Variants in TTLL5 observed in about 807,000 individuals in gnomAD.
TTLL5 encodes the protein tubulin tyrosine ligase like 5, also known as tubulin polyglutamylase TTLL5.
Under a neutral mutation model 168.4 loss-of-function variants are expected in TTLL5, and 132 were observed. That is an observed-to-expected ratio of 0.78 (90% CI 0.68 to 0.91). The LOEUF (loss-of-function observed/expected upper bound fraction) is 0.91. Ranked by LOEUF, TTLL5 falls within the 40% of genes least tolerant of loss-of-function variation. TTLL5 has a pLI of 0.00. For missense variants in TTLL5, 1,545 were observed against 1,581.5 expected, an observed-to-expected ratio of 0.98 and a Z score of 0.39; for synonymous variants, 546 against 558.6, an observed-to-expected ratio of 0.98 and a Z score of 0.32.
At position 75,736,389 on chromosome 14, in the gene TTLL5, G is replaced by T. The variant is rs529570566; in HGVS notation, c.1281+1100G>T. On this transcript the variant is annotated intron_variant, in intron 15 of 31. Coordinates refer to ENST00000298832, the MANE Select transcript of TTLL5 (RefSeq NM_015072.5). ...AAATCCATATACTATTATTTATTCA[G>T]ATAATTTTTTATTAGAACAGGGTTT... Among the ~76,000 whole-genome samples, 3 of 147,710 alleles carry T rather than the reference G, an allele frequency of 2.0e-5. No homozygotes were observed. The East Asian group carries it at 5.8e-4, about 28-fold the overall frequency.
chr14:75,761,770 G>A (rs565737598), intron 18 of TTLL5, among the ~76,000 whole-genome samples: 8 of 152,276 alleles, frequency 5.3e-5, no homozygotes, highest in African/African-American at 1.9e-4. Flanking sequence ...ATAGCTCTAG[G>A]CATTTGTCAG....
At chr14:75,697,346 T>A (rs920810567) in intron 6 of TTLL5, among the ~76,000 whole-genome samples, 12 of 152,204 alleles carry the variant, frequency 7.9e-5, no homozygotes, top group Non-Finnish European at 1.5e-5. Flanking sequence ...TGCAATATTT[T>A]ACACATGTGT....
chr14:75,776,281 C>T lies in TTLL5; in HGVS notation c.2284-466C>T, dbSNP rs114262988. On this transcript the variant is annotated intron_variant, in intron 22 of 31. Coordinates refer to ENST00000298832, the MANE Select transcript of TTLL5 (RefSeq NM_015072.5). The stretch of plus-strand genomic sequence containing the variant: ...GCACCAAACTCATAGCCACAATTTA[C>T]TCCAGATCTGTTGAGAATTTTGTTA... Among the ~76,000 whole-genome samples, 1,267 of 152,240 alleles carry T rather than the reference C, an allele frequency of 8.3e-3. 16 individuals carry two copies. Among genetic ancestry groups the T allele is most frequent in the African/African-American group, 0.029 (1,192 of 41,548 alleles).
intron 27 of TTLL5, 105 bp downstream of exon 27, chr14:75,793,205 C>G (rs1210437728): frequency 6.0e-6 from 6 of 1,005,302 alleles, no homozygotes; most frequent in African/African-American, 1.6e-5. Flanking sequence ...ATACTGATGC[C>G]TCTTGAATGA....
chr14:75,863,543 A>G (rs1308054983), intron 28 of TTLL5, 124 bp from the exon 29 acceptor site: 8 of 911,314 alleles, frequency 8.8e-6, no homozygotes, highest in Non-Finnish European at 1.3e-5. Context: ...TCACACAAGT[A>G]GATTTGTAAT....
At chr14:75,761,300 A>T (rs933479100) in intron 18 of TTLL5, among the ~76,000 whole-genome samples, 1 of 152,164 alleles carries the variant, frequency 6.6e-6, no homozygotes, top group Non-Finnish European at 1.5e-5. Flanking sequence ...TGGTACAAGC[A>T]CTTTAGGAAG....
intron 28 of TTLL5, among the ~76,000 whole-genome samples, chr14:75,857,040 A>G (rs1442222669): frequency 6.6e-6 from 1 of 152,178 alleles, no homozygotes; most frequent in Non-Finnish European, 1.5e-5. Context: ...TTTATTTATT[A>G]GTTCTAGCAG....
intron 28 of TTLL5, among the ~76,000 whole-genome samples, chr14:75,851,137 C>T (rs1280675983): frequency 6.7e-6 from 1 of 148,800 alleles, no homozygotes; most frequent in African/African-American, 2.5e-5. Flanking sequence ...ATAAGAACTG[C>T]CAAAAGCACA....
chr14:75,734,083 A>G (rs370440993), intron 14 of TTLL5, 33 bp downstream of exon 14: 10 of 1,605,438 alleles, frequency 6.2e-6, no homozygotes, highest in East Asian at 2.2e-5. Context: ...CTGGACTCAC[A>G]TAAAAATTAA....
intron 2 of TTLL5, among the ~76,000 whole-genome samples, chr14:75,667,363 A>T (rs1566806910): frequency 1.3e-5 from 2 of 152,238 alleles, no homozygotes; most frequent in East Asian, 1.9e-4. Flanking sequence ...TTTGTAGTTT[A>T]GGCTGCCTGT....
intron 27 of TTLL5, among the ~76,000 whole-genome samples, chr14:75,818,993 C>G (rs1894673256): frequency 6.6e-6 from 1 of 152,078 alleles, no homozygotes; most frequent in Admixed American, 6.6e-5. Context: ...AATTCTTGTT[C>G]TGCCATTTAT....
intron 9 of TTLL5, chr14:75,709,062 T>C: frequency 3.1e-6 from 2 of 652,516 alleles, no homozygotes; most frequent in Non-Finnish European, 2.8e-6. Flanking sequence ...ATGCAGCCTG[T>C]GGGCCTCAGG....
chr14:75,710,584 C>G (rs1887005736), intron 9 of TTLL5: 3 of 152,200 alleles, frequency 2.0e-5, no homozygotes, highest in Admixed American at 2.0e-4. Flanking sequence ...CAAAGCTTTA[C>G]AAAAGCATAA....
chr14:75,810,800 G>A (rs1893949078), intron 27 of TTLL5, among the ~76,000 whole-genome samples: 1 of 152,166 alleles, frequency 6.6e-6, no homozygotes, highest in African/African-American at 2.4e-5. Context: ...AGTTTCAGGG[G>A]CATGAAGAAA....
intron 29 of TTLL5, among the ~76,000 whole-genome samples, chr14:75,868,725 A>G (rs2030745293): frequency 6.6e-6 from 1 of 152,278 alleles, no homozygotes; most frequent in Admixed American, 6.5e-5. Context: ...TTTGCTCCTA[A>G]AAGTTCATTG....
At chr14:75,676,729 A>T (rs566467945) in intron 3 of TTLL5, among the ~76,000 whole-genome samples, 2 of 149,602 alleles carry the variant, frequency 1.3e-5, no homozygotes, top group East Asian at 3.9e-4. Flanking sequence ...TTTCTTTTAT[A>T]TTAGGAGGAG....
intron 28 of TTLL5, among the ~76,000 whole-genome samples, chr14:75,843,257 C>T (rs1896352767): frequency 6.6e-6 from 1 of 152,140 alleles, no homozygotes; most frequent in African/African-American, 2.4e-5. Flanking sequence ...GAGGCTTAGA[C>T]CTTTGTTTCT....
chr14:75,863,613 T>C, intron 28 of TTLL5, 54 bp from the exon 29 acceptor site: 1 of 1,500,548 alleles, frequency 6.7e-7, no homozygotes, highest in Non-Finnish European at 9.0e-7. Context: ...TCCTTTCCTC[T>C]AGATTGTTCA....
chr14:75,857,772 C>A (rs1207093157), intron 28 of TTLL5, among the ~76,000 whole-genome samples: 5 of 152,090 alleles, frequency 3.3e-5, no homozygotes, highest in Non-Finnish European at 7.4e-5. Context: ...CTGCCTCAGC[C>A]TCCTGAGTAA....
Sources: gnomAD v4.1 joint callset for allele counts (sites outside exome capture counted in the v4.1 genomes callset) on GRCh38, gnomAD v4.1.1 for gene constraint, MANE v1.5 for transcripts, NCBI Gene and HGNC (gene_info 2026-07-23, HGNC 2026-07-21) for gene names.